The following TWIST2 variants were observed in gnomAD, a reference collection of about 807,000 sequenced individuals.
The protein encoded by TWIST2 is twist-related protein 2.
A neutral mutation model predicts 11.6 loss-of-function variants in TWIST2; 1 was observed. The observed-to-expected ratio is 0.09, with a 90% CI of 0.03 to 0.41. The LOEUF (loss-of-function observed/expected upper bound fraction) is 0.41. TWIST2 is among the 10% of genes least tolerant of loss of function. TWIST2 has a pLI of 0.98. For synonymous variants in TWIST2, 87 were observed against 96.6 expected (o/e 0.90, Z 0.58); for missense variants, 168 against 226.4 (o/e 0.74, Z 1.66).
chr2:238,871,171 A>C (rs1574755644), intron 1 of TWIST2, among the ~76,000 whole-genome samples: 1 of 25,314 alleles, frequency 4.0e-5, no homozygotes, highest in African/African-American at 1.7e-4. Context: ...CCCCACACAC[A>C]CACCACACAC....
intron 1 of TWIST2, among the ~76,000 whole-genome samples, chr2:238,902,795 T>G (rs1344956364): frequency 8.1e-5 from 9 of 111,320 alleles, no homozygotes; most frequent in Admixed American, 9.3e-5. Flanking sequence ...TGGGGTGTTG[T>G]GATGTGTGAG....
intron 1 of TWIST2, among the ~76,000 whole-genome samples, chr2:238,862,398 C>G (rs556844252): frequency 6.6e-6 from 1 of 152,132 alleles, no homozygotes; most frequent in East Asian, 1.9e-4. Flanking sequence ...GACAATTACC[C>G]CATATGGGCA....
intron 1 of TWIST2, among the ~76,000 whole-genome samples, chr2:238,886,091 A>T (rs1049527921): frequency 1.2e-5 from 1 of 84,140 alleles, no homozygotes; most frequent in African/African-American, 4.1e-5. Flanking sequence ...GTGAGACTCC[A>T]TCTCAAAAAA....
intron 1 of TWIST2, among the ~76,000 whole-genome samples, chr2:238,868,007 AAGAT>A (rs1339106094): frequency 6.6e-6 from 1 of 152,222 alleles, no homozygotes; most frequent in African/African-American, 2.4e-5. Context: ...GAACGAAAGA[AAGAT>A]AGAAAAAATA....
chr2:238,901,221 C>G (rs1574768459), intron 1 of TWIST2, among the ~76,000 whole-genome samples: 1 of 152,168 alleles, frequency 6.6e-6, no homozygotes, highest in Non-Finnish European at 1.5e-5. Context: ...AAGTGAACCA[C>G]CTGCCTTGGC....
At chr2:238,862,081 C>T (rs1047830291) in intron 1 of TWIST2, among the ~76,000 whole-genome samples, 4 of 152,194 alleles carry the variant, frequency 2.6e-5, no homozygotes, top group African/African-American at 7.2e-5. Flanking sequence ...CACACGTGGA[C>T]GGAACACAGC....
At position 238,848,183 on chromosome 2, in the gene TWIST2, C is replaced by A; in HGVS notation, c.-33C>A. 1.6e-6 allele frequency: 2 copies of A among 1,221,258 alleles called. No individual in the cohort carries two copies. The highest frequency in any genetic ancestry group is 2.0e-6 in the Non-Finnish European group (2 of 982,248). 75.7% of individuals were successfully genotyped at this position (1,221,258 alleles called of 1,614,324 possible). A position where few individuals can be genotyped will look rare whatever the true frequency, so the allele number is the denominator to read the frequency against. ...CAGCGGCGCGCGCTCGGCGCCCCGGCGCCCCCAGCCCCACGCGCGCCGGGC... is the reference window on the plus strand; with the variant it reads ...CAGCGGCGCGCGCTCGGCGCCCCGGAGCCCCCAGCCCCACGCGCGCCGGGC... On this transcript the variant is annotated 5_prime_UTR_variant, in exon 1 of 2. Coordinates refer to ENST00000612363, the MANE Select transcript of TWIST2 (RefSeq NM_001271893.4).
At chr2:238,905,944 CGCGCGCGTGTGT>C (rs1693344242) in intron 1 of TWIST2, among the ~76,000 whole-genome samples, 1 of 142,360 alleles carries the variant, frequency 7.0e-6, no homozygotes, top group Non-Finnish European at 1.5e-5. Context: ...CGTGTGTGTG[CGCGCGCGTGTGT>C]ACGTGTGCGT....
chr2:238,874,072 T>C (rs1692761862), intron 1 of TWIST2, among the ~76,000 whole-genome samples: 1 of 152,152 alleles, frequency 6.6e-6, no homozygotes, highest in African/African-American at 2.4e-5. Flanking sequence ...GGGCCTGAGC[T>C]GCATCCCAGG....
At chr2:238,905,046 AGGTGGGTGGCTGGCTG>A (rs1693325049) in intron 1 of TWIST2, among the ~76,000 whole-genome samples, 6 of 136,582 alleles carry the variant, frequency 4.4e-5, no homozygotes, top group Admixed American at 4.2e-4. Context: ...GTGGGTGGCT[AGGTGGGTGGCTGGCTG>A]GGTGGGCAGG....
At chr2:238,862,991 A>G (rs1037876141) in intron 1 of TWIST2, among the ~76,000 whole-genome samples, 95 of 151,636 alleles carry the variant, frequency 6.3e-4, no homozygotes, top group African/African-American at 2.0e-3. Context: ...GGCAAGAATG[A>G]ATGTCTCTGG....
At position 238,867,370 on chromosome 2, in the gene TWIST2, AAC is replaced by A. The variant is rs1229428285; in HGVS notation, c.*35+18678_*35+18679del. On this transcript the variant is annotated intron_variant, in intron 1 of 1. Transcript: ENST00000612363. This position sits in a 1 kb window ranked among gnomAD's most constrained non-coding sequence, Gnocchi z 4.8. ...CTGGGGAGTAAAATGTCCTGCCTTC[AAC>A]ACACACACACACACACACACACACA... is the stretch of plus-strand genomic sequence containing the variant. Among the ~76,000 whole-genome samples, 5,196 of 119,674 alleles carry A rather than the reference AAC, an allele frequency of 0.043. 163 individuals are homozygous for A. Among genetic ancestry groups the A allele is most frequent in the East Asian group, 0.19 (766 of 3,942 alleles). 78.5% of individuals were successfully genotyped at this position (119,674 alleles called of 152,430 possible).
chr2:238,879,046 T>C (rs557537303), intron 1 of TWIST2, among the ~76,000 whole-genome samples: 1 of 152,332 alleles, frequency 6.6e-6, no homozygotes, highest in Admixed American at 6.5e-5. Context: ...GTCGCATGTA[T>C]GCTTTATACA....
At chr2:238,857,337 G>A (rs1050937558) in intron 1 of TWIST2, among the ~76,000 whole-genome samples, 1 of 152,196 alleles carries the variant, frequency 6.6e-6, no homozygotes, top group African/African-American at 2.4e-5. Flanking sequence ...GCTGATGAAT[G>A]TCTGAGCATG....
At chr2:238,862,923 G>T (rs956773320) in intron 1 of TWIST2, among the ~76,000 whole-genome samples, 3 of 152,164 alleles carry the variant, frequency 2.0e-5, no homozygotes, top group African/African-American at 7.2e-5. Context: ...TACGATCTCA[G>T]GTTGGAAGAT....
At chr2:238,906,317 G>A (rs1693353963) in intron 1 of TWIST2, among the ~76,000 whole-genome samples, 1 of 149,676 alleles carries the variant, frequency 6.7e-6, no homozygotes, top group East Asian at 2.0e-4. Context: ...GACCCACTCA[G>A]GAGGATGTAC....
intron 1 of TWIST2, among the ~76,000 whole-genome samples, chr2:238,898,944 T>A (rs36142098): frequency 0.36 from 54,973 of 152,030 alleles, 10,076 homozygotes; most frequent in Middle Eastern, 0.49. Flanking sequence ...CACCGTGTGG[T>A]GATTGGACAA....
chr2:238,876,969 C>T (rs1187279766), intron 1 of TWIST2, among the ~76,000 whole-genome samples: 4 of 152,134 alleles, frequency 2.6e-5, no homozygotes, highest in Non-Finnish European at 4.4e-5. Context: ...TTACCTTCAG[C>T]GGATCACCTG....
At chr2:238,894,312 A>G (rs960783417) in intron 1 of TWIST2, among the ~76,000 whole-genome samples, 10 of 151,860 alleles carry the variant, frequency 6.6e-5, no homozygotes, top group African/African-American at 2.4e-4. Context: ...TGCCCCCGAG[A>G]TGACTCCTCC....
Sources: allele counts gnomAD v4.1 joint callset (sites outside exome capture counted in the v4.1 genomes callset), GRCh38; gene constraint gnomAD v4.1.1; non-coding constraint Gnocchi (gnomAD v3.1); transcripts MANE v1.5; gene names NCBI Gene and HGNC (gene_info 2026-07-23, HGNC 2026-07-21).